The following NCALD variants were observed in gnomAD, a reference collection of about 807,000 sequenced individuals.
NCALD encodes the protein neurocalcin delta, also known as neurocalcin-delta.
In NCALD, 10 loss-of-function variants were observed where a neutral mutation model predicts 18.6. The ratio of observed to expected loss-of-function variants is 0.54; its 90% CI spans 0.33 to 0.91. NCALD has a LOEUF of 0.91. NCALD is among the 40% of genes least tolerant of loss of function. The probability of loss-of-function intolerance (pLI) is 0.03; values close to 1 mark genes in which losing one functional copy is unlikely to be tolerated. For missense variants in NCALD, 184 were observed against 247.6 expected, an observed-to-expected ratio of 0.74 and a Z score of 1.72; for synonymous variants, 88 against 87.4, an observed-to-expected ratio of 1.01 and a Z score of -0.04.
chr8:101,849,514 T>C (rs1327023810), intron 4 of NCALD, among the ~76,000 whole-genome samples: 2 of 152,178 alleles, frequency 1.3e-5, no homozygotes, highest in Non-Finnish European at 2.9e-5. Context: ...TCAATTTTTT[T>C]CCATTATTCC....
chr8:101,757,063 T>C (rs921502751), intron 1 of NCALD, among the ~76,000 whole-genome samples: 2 of 152,206 alleles, frequency 1.3e-5, no homozygotes, highest in African/African-American at 4.8e-5. Flanking sequence ...GCAAAAACTA[T>C]TTCATGCCAT....
At chr8:102,014,589 A>G (rs1307027586) in intron 2 of NCALD, among the ~76,000 whole-genome samples, 1 of 152,212 alleles carries the variant, frequency 6.6e-6, no homozygotes, top group African/African-American at 2.4e-5. Flanking sequence ...TCAAAAAAAA[A>G]AGTTGAAAAG....
rs11370046 is a variant in NCALD, at chr8:101,828,559, CT to C, written c.-20+58581del. 2.1e-3 allele frequency among the ~76,000 whole-genome samples: 300 copies of C among 145,838 alleles called. 1 individual carries two copies. The highest frequency in any genetic ancestry group is 2.6e-3 in the Non-Finnish European group (175 of 66,690). On this transcript the variant is annotated intron_variant, in intron 4 of 6. Transcript: ENST00000311028. ...TTCCTTGGCACTCCCTAATTTCCTT[CT>C]TTTTTTTTTTTGCCCATAATATTTA...
At chr8:102,123,816 C>CCCCGGA (rs1177076361) in intron 1 of NCALD, 1 of 129,218 alleles carries the variant, frequency 7.7e-6, no homozygotes, top group Non-Finnish European at 1.9e-5. Flanking sequence ...GTGCCCCGGC[C>CCCCGGA]CCCGGCCCCG....
intron 4 of NCALD, among the ~76,000 whole-genome samples, chr8:101,812,484 C>T (rs1813342486): frequency 6.6e-6 from 1 of 152,088 alleles, no homozygotes; most frequent in Non-Finnish European, 1.5e-5. Flanking sequence ...AAAAAAATTT[C>T]CAGAACATCA....
intron 1 of NCALD, among the ~76,000 whole-genome samples, chr8:102,100,302 G>A (rs189034480): frequency 6.6e-6 from 1 of 152,038 alleles, no homozygotes; most frequent in Non-Finnish European, 1.5e-5. Context: ...ACTCAAGGAG[G>A]AATAAATCAC....
chr8:102,095,858 T>C (rs1050297867), intron 1 of NCALD, among the ~76,000 whole-genome samples: 1 of 152,242 alleles, frequency 6.6e-6, no homozygotes, highest in Non-Finnish European at 1.5e-5. Flanking sequence ...AACATCCTGT[T>C]AGACTAGTCA....
intron 4 of NCALD, among the ~76,000 whole-genome samples, chr8:101,827,987 C>T (rs1490205020): frequency 6.6e-6 from 1 of 152,148 alleles, no homozygotes; most frequent in African/African-American, 2.4e-5. Context: ...TGGGAATGCA[C>T]TATGTAGGTG....
At chr8:101,757,213 T>TTCACTAGAACCTC (rs1207035621) in intron 1 of NCALD, among the ~76,000 whole-genome samples, 1 of 152,208 alleles carries the variant, frequency 6.6e-6, no homozygotes, top group Non-Finnish European at 1.5e-5. Flanking sequence ...TTTTCCATTA[T>TTCACTAGAACCTC]TCACTAGAAC....
intron 4 of NCALD, among the ~76,000 whole-genome samples, chr8:101,831,083 T>C (rs184505928): frequency 2.0e-3 from 309 of 152,306 alleles, no homozygotes; most frequent in East Asian, 7.5e-3. Context: ...AGACACGATA[T>C]GGCAGCCTCA....
At chr8:101,882,007 C>T (rs1302046576) in intron 4 of NCALD, among the ~76,000 whole-genome samples, 1 of 152,152 alleles carries the variant, frequency 6.6e-6, no homozygotes, top group Non-Finnish European at 1.5e-5. Context: ...ATTTGCCCTT[C>T]CCAGGAGACA....
At chr8:101,885,708 A>G (rs116818881) in intron 4 of NCALD, among the ~76,000 whole-genome samples, 2,404 of 152,314 alleles carry the variant, frequency 0.016, 25 homozygotes, top group African/African-American at 0.032. Flanking sequence ...TGAAACAATA[A>G]ACACAGAGAA....
chr8:101,818,283 C>T (rs774638456), intron 4 of NCALD, among the ~76,000 whole-genome samples: 1 of 151,998 alleles, frequency 6.6e-6, no homozygotes, highest in Non-Finnish European at 1.5e-5. Context: ...ATTTAGGTAG[C>T]GATTTCCTTG....
intron 2 of NCALD, among the ~76,000 whole-genome samples, chr8:102,012,711 G>A (rs2132071496): frequency 6.6e-6 from 1 of 152,338 alleles, no homozygotes; most frequent in Non-Finnish European, 1.5e-5. Flanking sequence ...GGTCCTTGCT[G>A]TTTCTTTACC....
intron 2 of NCALD, among the ~76,000 whole-genome samples, chr8:101,955,343 A>G (rs574568162): frequency 3.3e-5 from 5 of 152,348 alleles, no homozygotes; most frequent in African/African-American, 1.2e-4. Flanking sequence ...ATGTGAATAT[A>G]TAAAATCTCA....
At chr8:101,894,914 A>G (rs1175637668) in intron 3 of NCALD, among the ~76,000 whole-genome samples, 1 of 150,936 alleles carries the variant, frequency 6.6e-6, no homozygotes, top group Admixed American at 6.6e-5. Context: ...ATGGATTCAC[A>G]GCCGAATTCT....
At chr8:101,830,548 CAA>C (rs71268534) in intron 4 of NCALD, among the ~76,000 whole-genome samples, 1 of 141,230 alleles carries the variant, frequency 7.1e-6, no homozygotes. Context: ...GACTCCGTCT[CAA>C]AAAAAAAAAA....
intron 1 of NCALD, among the ~76,000 whole-genome samples, chr8:102,064,968 C>T (rs1479261121): frequency 7.4e-6 from 1 of 135,778 alleles, no homozygotes; most frequent in Non-Finnish European, 1.5e-5. Flanking sequence ...TGGAGTCCAG[C>T]CTACAATAGA....
intron 2 of NCALD, among the ~76,000 whole-genome samples, chr8:101,697,152 G>C (rs1815033737): frequency 6.6e-6 from 1 of 151,686 alleles, no homozygotes; most frequent in South Asian, 2.1e-4. Flanking sequence ...TATCATCAGA[G>C]AATACTATAA....
Sources: gnomAD v4.1 joint callset for allele counts (sites outside exome capture counted in the v4.1 genomes callset) on GRCh38, gnomAD v4.1.1 for gene constraint, MANE v1.5 for transcripts, NCBI Gene and HGNC (gene_info 2026-07-23, HGNC 2026-07-21) for gene names.